SEMA3A: variants seen among roughly 807,000 people sequenced by gnomAD.
The protein encoded by SEMA3A is semaphorin-3A.
SEMA3A carries 29 observed loss-of-function variants against 97.9 expected under a neutral mutation model. The ratio of observed to expected loss-of-function variants is 0.30; its 90% CI spans 0.22 to 0.40. The LOEUF (loss-of-function observed/expected upper bound fraction) is 0.40, where lower values mean the gene tolerates loss of function less well. Ranked by LOEUF, SEMA3A falls within the 10% of genes least tolerant of loss-of-function variation. The pLI is 1.00. For synonymous variants in SEMA3A, 321 were observed against 323.7 expected (o/e 0.99, Z 0.09); for missense variants, 763 against 951.3 (o/e 0.80, Z 2.60).
At chr7:84,305,956 ATG>A (rs2115843902) in intron 3 of SEMA3A, among the ~76,000 whole-genome samples, 1 of 151,624 alleles carries the variant, frequency 6.6e-6, no homozygotes. Context: ...TTATATATAC[ATG>A]TGTGTATATA....
In SEMA3A at chr7:84,374,352, G is replaced by A. The variant is rs181884889; in HGVS notation, c.-245-2452C>T. 8.8e-4 allele frequency among the ~76,000 whole-genome samples: 134 copies of A among 152,302 alleles called. 1 individual carries two copies. Among genetic ancestry groups the A allele is most frequent in the African/African-American group, 3.0e-3 (124 of 41,568 alleles). Reference sequence around the variant, plus strand: ...TGATAATAGTGGAAGTAGAAAACTTGTATGTCCATCGAAAAATATATTTAA... The same window carrying A: ...TGATAATAGTGGAAGTAGAAAACTTATATGTCCATCGAAAAATATATTTAA... On this transcript the variant is annotated intron_variant, in intron 1 of 3. Coordinates refer to the SEMA3A transcript ENST00000424555.
At chr7:84,226,278 C>T (rs1320676238) in intron 3 of SEMA3A, among the ~76,000 whole-genome samples, 1 of 151,910 alleles carries the variant, frequency 6.6e-6, no homozygotes, top group Admixed American at 6.6e-5. Context: ...AGAAATCACA[C>T]ATTTTGCCAT....
intron 3 of SEMA3A, among the ~76,000 whole-genome samples, chr7:84,286,911 A>G (rs1800603824): frequency 6.6e-6 from 1 of 152,158 alleles, no homozygotes; most frequent in East Asian, 1.9e-4. Flanking sequence ...CTCACCATCA[A>G]TCTACATTTA....
chr7:84,337,291 C>T (rs1393632513), intron 2 of SEMA3A, among the ~76,000 whole-genome samples: 1 of 152,126 alleles, frequency 6.6e-6, no homozygotes, highest in Non-Finnish European at 1.5e-5. Context: ...CTATGTTTTA[C>T]TGTGCCTAGC....
At chr7:84,361,093 T>C (rs1802708254) in intron 2 of SEMA3A, among the ~76,000 whole-genome samples, 1 of 152,112 alleles carries the variant, frequency 6.6e-6, no homozygotes, top group Admixed American at 6.6e-5. Flanking sequence ...AAATGCTTAC[T>C]ATAAATTTTA....
At chr7:83,986,148 G>A (rs1347443547) in intron 12 of SEMA3A, among the ~76,000 whole-genome samples, 2 of 152,132 alleles carry the variant, frequency 1.3e-5, no homozygotes, top group African/African-American at 2.4e-5. Context: ...ACTGGAGAAC[G>A]CTGCCTTAGC....
chr7:83,959,461 A>G lies in SEMA3A; in HGVS notation c.*1910T>C, dbSNP rs1554376696. ...CAATTTGGCTTCCATGTGAGGATATACAGTACTTCCAAAAGCAACACCATA... is the reference window on the plus strand; with the variant it reads ...CAATTTGGCTTCCATGTGAGGATATGCAGTACTTCCAAAAGCAACACCATA... On this transcript the variant is annotated 3_prime_UTR_variant, in exon 17 of 17. Transcript: ENST00000265362. 2 of 152,074 alleles carry G rather than the reference A, an allele frequency of 1.3e-5. No homozygotes were observed. Among genetic ancestry groups the G allele is most frequent in the Non-Finnish European group, 2.9e-5 (2 of 67,924 alleles). 9.4% of individuals were successfully genotyped at this position (152,074 alleles called of 1,614,324 possible). A position where few individuals can be genotyped will look rare whatever the true frequency, so the allele number is the denominator to read the frequency against.
chr7:84,300,933 C>T (rs1800993729), intron 3 of SEMA3A, among the ~76,000 whole-genome samples: 1 of 152,048 alleles, frequency 6.6e-6, no homozygotes, highest in South Asian at 2.1e-4. Context: ...CTTAAAACAA[C>T]TCTGAATAGA....
At chr7:84,132,669 T>TG (rs1796000031) in intron 2 of SEMA3A, among the ~76,000 whole-genome samples, 1 of 79,752 alleles carries the variant, frequency 1.3e-5, no homozygotes, top group Non-Finnish European at 2.2e-5. Context: ...GGTGTTTTTT[T>TG]TTTTTTTTTT....
rs770675496 is a variant in SEMA3A at position 84,225,164 on chromosome 7, C to T, written c.-82-30496G>A. Among the ~76,000 whole-genome samples the T allele has an allele frequency of 2.6e-5, 4 of 152,142 alleles. No homozygotes were observed. The South Asian group carries it at 8.3e-4, about 32-fold the overall frequency. ...ACTTCTAATTCTATGTCTCATGATT[C>T]TCAGATTTAATACAATTTTAGAAAA... On this transcript the variant is annotated intron_variant, in intron 3 of 3. Transcript: ENST00000424555.
rs1331612069 is a variant in SEMA3A at position 84,128,908 on chromosome 7, C to A, written c.333+215G>T. Among the ~76,000 whole-genome samples the A allele has an allele frequency of 2.6e-5, 4 of 151,990 alleles. No homozygotes were observed. In the South Asian group the frequency reaches 8.3e-4, roughly 32 times the overall value. On this transcript the variant is annotated intron_variant, in intron 3 of 16. Transcript: ENST00000265362. The stretch of plus-strand genomic sequence containing the variant: ...CATCCCCGAGGGAAAAATAAAATTA[C>A]CTTTAGGCTATGGTTATACTATGTA...
chr7:84,099,426 A>C (rs974729343), intron 4 of SEMA3A, among the ~76,000 whole-genome samples: 1 of 152,086 alleles, frequency 6.6e-6, no homozygotes, highest in Non-Finnish European at 1.5e-5. Flanking sequence ...TACATTCCCC[A>C]AAATAGCATT....
chr7:84,207,669 C>T (rs1798522491), intron 3 of SEMA3A, among the ~76,000 whole-genome samples: 1 of 152,090 alleles, frequency 6.6e-6, no homozygotes, highest in Admixed American at 6.5e-5. Context: ...TTCATTTTGC[C>T]AAGTTCTCTG....
chr7:84,427,529 C>T (rs1804858457), intron 1 of SEMA3A, among the ~76,000 whole-genome samples: 1 of 151,262 alleles, frequency 6.6e-6, no homozygotes, highest in African/African-American at 2.4e-5. Context: ...AGCCTGTAGT[C>T]CCAGCTACTT....
chr7:84,470,950 A>T (rs1333606263), intron 1 of SEMA3A, among the ~76,000 whole-genome samples: 1 of 152,084 alleles, frequency 6.6e-6, no homozygotes, highest in East Asian at 1.9e-4. Context: ...GCTTGCAACC[A>T]GTAAAGATGG....
intron 2 of SEMA3A, among the ~76,000 whole-genome samples, chr7:84,307,781 A>G (rs746521445): frequency 6.6e-6 from 1 of 152,182 alleles, no homozygotes; most frequent in Non-Finnish European, 1.5e-5. Context: ...TTTCTGGATA[A>G]AGGAAATATA....
intron 12 of SEMA3A, among the ~76,000 whole-genome samples, chr7:83,991,011 C>A (rs989361826): frequency 4.6e-5 from 7 of 151,258 alleles, no homozygotes; most frequent in African/African-American, 1.7e-4. Flanking sequence ...GTGATTTGTA[C>A]TTCTCCTTAA....
chr7:84,079,208 G>A, intron 4 of SEMA3A, among the ~76,000 whole-genome samples: 1 of 151,594 alleles, frequency 6.6e-6, no homozygotes. Flanking sequence ...AATTCAAGAT[G>A]GATTAAAGAC....
chr7:84,391,529 C>G (rs1803577151), intron 1 of SEMA3A, among the ~76,000 whole-genome samples: 1 of 152,046 alleles, frequency 6.6e-6, no homozygotes, highest in Non-Finnish European at 1.5e-5. Context: ...TTTGGAACAG[C>G]AGGAACAGAC....
Sources: gnomAD v4.1 joint callset for allele counts (sites outside exome capture counted in the v4.1 genomes callset) on GRCh38, gnomAD v4.1.1 for gene constraint, MANE v1.5 for transcripts, NCBI Gene and HGNC (gene_info 2026-07-23, HGNC 2026-07-21) for gene names.